CDH4: variants seen among roughly 807,000 people sequenced by gnomAD.
CDH4 encodes cadherin 4, also known as cadherin-4.
Under a neutral mutation model 86.0 loss-of-function variants are expected in CDH4, and 33 were observed. The observed-to-expected ratio is 0.38, with a 90% CI of 0.29 to 0.51. The LOEUF (loss-of-function observed/expected upper bound fraction) is 0.51, where lower values mean the gene tolerates loss of function less well. CDH4 is among the 20% of genes least tolerant of loss of function. The probability of loss-of-function intolerance (pLI) is 0.86; values close to 1 mark genes in which losing one functional copy is unlikely to be tolerated. For synonymous variants in CDH4, 555 were observed against 549.4 expected, an observed-to-expected ratio of 1.01 and a Z score of -0.14; for missense variants, 1,114 against 1,307.4, an observed-to-expected ratio of 0.85 and a Z score of 2.28.
At chr20:61,350,666 A>C (rs540420298) in intron 2 of CDH4, among the ~76,000 whole-genome samples, 96 of 151,626 alleles carry the variant, frequency 6.3e-4, no homozygotes, top group African/African-American at 2.1e-3. Flanking sequence ...CCATGATGCC[A>C]GCAGGACACC....
At chr20:61,884,946 T>C (rs924516863) in intron 7 of CDH4, among the ~76,000 whole-genome samples, 2 of 152,078 alleles carry the variant, frequency 1.3e-5, no homozygotes, top group Admixed American at 1.3e-4. Context: ...CCCAGGTCCC[T>C]TCAGCCTGGA....
At chr20:61,872,223 C>T (rs899377610) in intron 6 of CDH4, among the ~76,000 whole-genome samples, 7 of 152,296 alleles carry the variant, frequency 4.6e-5, no homozygotes, top group East Asian at 3.9e-4. Flanking sequence ...GACCCAGCCC[C>T]GCCCTTGTGG....
intron 2 of CDH4, among the ~76,000 whole-genome samples, chr20:61,725,456 G>T (rs891468450): frequency 2.0e-5 from 3 of 152,180 alleles, no homozygotes; most frequent in African/African-American, 7.2e-5. Flanking sequence ...ACTGTTCCCA[G>T]TATCAACAGG....
intron 4 of CDH4, among the ~76,000 whole-genome samples, chr20:61,819,065 CA>C (rs1980882802): frequency 2.0e-5 from 3 of 152,254 alleles, no homozygotes; most frequent in Admixed American, 2.0e-4. Context: ...ATGCCCTGAG[CA>C]GACAGAGGAC....
At chr20:61,507,375 C>G (rs1258830271) in intron 2 of CDH4, among the ~76,000 whole-genome samples, 3 of 152,128 alleles carry the variant, frequency 2.0e-5, no homozygotes, top group Non-Finnish European at 2.9e-5. Flanking sequence ...ATTTTTAGCT[C>G]TTATTGGAAG....
intron 4 of CDH4, among the ~76,000 whole-genome samples, chr20:61,794,142 C>CAAA (rs59426596): frequency 0.3 from 36,111 of 121,228 alleles, 5,623 homozygotes; most frequent in Admixed American, 0.32. Context: ...GACTCTATCT[C>CAAA]AAAAAAAAAA....
chr20:61,277,988 AGAGCCTGCGTTATG>A (rs1180936920), intron 2 of CDH4, among the ~76,000 whole-genome samples: 1 of 152,196 alleles, frequency 6.6e-6, no homozygotes, highest in African/African-American at 2.4e-5. Flanking sequence ...TCTCAGATTC[AGAGCCTGCGTTATG>A]GCCCAGGTGA....
chr20:61,683,147 G>A (rs2087535565), intron 2 of CDH4, among the ~76,000 whole-genome samples: 1 of 152,150 alleles, frequency 6.6e-6, no homozygotes, highest in African/African-American at 2.4e-5. Flanking sequence ...GTTTATGGGA[G>A]TTTATAGGCT....
chr20:61,651,027 G>A (rs896907648), intron 2 of CDH4, among the ~76,000 whole-genome samples: 1 of 151,936 alleles, frequency 6.6e-6, no homozygotes, highest in African/African-American at 2.4e-5. Flanking sequence ...AGTTAGCCTC[G>A]TGCTTGGCCG....
chr20:61,909,038 C>A (rs1600761946), intron 8 of CDH4, among the ~76,000 whole-genome samples: 3 of 152,252 alleles, frequency 2.0e-5, no homozygotes, highest in Admixed American at 6.5e-5. Context: ...AAAGTCCCAT[C>A]TCCAAATACA....
At chr20:61,574,890 A>G (rs891358349) in intron 2 of CDH4, among the ~76,000 whole-genome samples, 5 of 152,224 alleles carry the variant, frequency 3.3e-5, no homozygotes, top group African/African-American at 9.6e-5. Context: ...CAGTGAGTGG[A>G]ACTCCACCTT....
intron 2 of CDH4, among the ~76,000 whole-genome samples, chr20:61,451,784 T>C (rs2085382398): frequency 6.6e-6 from 1 of 152,050 alleles, no homozygotes; most frequent in Non-Finnish European, 1.5e-5. Context: ...CTGGCCGTGG[T>C]GTGCCAGGGA....
intron 2 of CDH4, among the ~76,000 whole-genome samples, chr20:61,459,622 G>C (rs965958590): frequency 2.6e-5 from 4 of 151,098 alleles, no homozygotes; most frequent in Non-Finnish European, 5.9e-5. Context: ...GAGGGACATG[G>C]TGAGGACACC....
In CDH4 at chr20:61,647,548, T is replaced by TCTCTCTCTCTCTCTCTCTCTCTCTCTCC. The variant is rs1555818888; in HGVS notation, c.170-96012_170-96011insTCTCTCTCTCTCTCTCTCTCTCTCCCTC. ...TATTCTCTCTCCCTCTCCCTCTCCC[T>TCTCTCTCTCTCTCTCTCTCTCTCTCTCC]CTCCCTCTCCCTCTCCCTCTCCCTC... On this transcript the variant is annotated intron_variant, in intron 2 of 15. Coordinates refer to ENST00000614565, the MANE Select transcript of CDH4 (RefSeq NM_001794.5). Among the ~76,000 whole-genome samples the TCTCTCTCTCTCTCTCTCTCTCTCTCTCC allele has an allele frequency of 7.4e-5, 8 of 108,578 alleles. 1 individual carries two copies. Among genetic ancestry groups the TCTCTCTCTCTCTCTCTCTCTCTCTCTCC allele is most frequent in the East Asian group, 2.3e-4 (1 of 4,282 alleles). The allele number at this position is 108,578 out of a possible 152,430, so 71.2% of individuals were successfully genotyped here.
chr20:61,353,696 C>CTCCTCTTCCCT (rs1284197750), intron 2 of CDH4, among the ~76,000 whole-genome samples: 6 of 3,618 alleles, frequency 1.7e-3, no homozygotes, highest in African/African-American at 2.1e-3. Flanking sequence ...CTCCTCCTCC[C>CTCCTCTTCCCT]CTCCTCCTCC....
At chr20:61,586,926 G>A (rs922615886) in intron 2 of CDH4, among the ~76,000 whole-genome samples, 1 of 152,172 alleles carries the variant, frequency 6.6e-6, no homozygotes, top group African/African-American at 2.4e-5. Flanking sequence ...CTAAGCCTGG[G>A]GATAAAATCA....
At position 61,855,402 on chromosome 20, in the gene CDH4, G is replaced by T. The variant is rs141130642; in HGVS notation, c.877+2504G>T. Among the ~76,000 whole-genome samples the T allele has an allele frequency of 2.2e-3, 333 of 152,310 alleles. 2 individuals carry two copies. The highest frequency in any genetic ancestry group is 7.8e-3 in the African/African-American group (324 of 41,558). On this transcript the variant is annotated intron_variant, in intron 6 of 15. Transcript: ENST00000614565. ...CTGGTCCTCAGCCATCCCTTAAGGG[G>T]CAGGCAGGGGGTGAGCAGATTAGCT...
chr20:61,342,626 C>G (rs542476727), intron 2 of CDH4, among the ~76,000 whole-genome samples: 1 of 152,222 alleles, frequency 6.6e-6, no homozygotes, highest in Admixed American at 6.5e-5. Flanking sequence ...CAGCCCTGTT[C>G]CCAACAGGCC....
intron 4 of CDH4, among the ~76,000 whole-genome samples, chr20:61,808,766 G>T (rs543685790): frequency 6.6e-6 from 1 of 152,230 alleles, no homozygotes; most frequent in Non-Finnish European, 1.5e-5. Context: ...GGCCAAGGGC[G>T]AGTGTCCACA....
Sources: gnomAD v4.1 joint callset for allele counts (sites outside exome capture counted in the v4.1 genomes callset) on GRCh38, gnomAD v4.1.1 for gene constraint, MANE v1.5 for transcripts, NCBI Gene and HGNC (gene_info 2026-07-23, HGNC 2026-07-21) for gene names.